Variants in MCTP1 observed in about 807,000 individuals in gnomAD.
The protein encoded by MCTP1 is multiple C2 and transmembrane domain containing 1.
Under a neutral mutation model 120.6 loss-of-function variants are expected in MCTP1, and 69 were observed. The ratio of observed to expected loss-of-function variants is 0.57; its 90% CI spans 0.47 to 0.70. The LOEUF is 0.70. Ranked by LOEUF, MCTP1 falls within the 30% of genes least tolerant of loss-of-function variation. The pLI, the probability that MCTP1 is intolerant of heterozygous loss-of-function variation, is 0.00. For synonymous variants in MCTP1, 529 were observed against 493.1 expected (o/e 1.07, Z -0.96); for missense variants, 1,203 against 1,248.8 (o/e 0.96, Z 0.55).
chr5:94,917,889 A>C lies in MCTP1; in HGVS notation c.1350+7T>G. 1 of 1,611,030 alleles carries C rather than the reference A, an allele frequency of 6.2e-7. No individual in the cohort carries two copies. The highest frequency in any genetic ancestry group is 8.5e-7 in the Non-Finnish European group (1 of 1,177,206). On this transcript the variant is annotated splice_region_variant and intron_variant, in intron 8 of 22. Coordinates refer to ENST00000515393, the MANE Select transcript of MCTP1 (RefSeq NM_024717.7). ...AAAAAATAAATGAACTGAATGGTTG[A>C]ACTTACTTGTACATTTTTGCAATAA...
intron 1 of MCTP1, among the ~76,000 whole-genome samples, chr5:95,085,766 C>T (rs560436484): frequency 6.9e-4 from 105 of 152,116 alleles, no homozygotes; most frequent in South Asian, 4.4e-3. Context: ...CAGAGATCCA[C>T]GATGCTGAAA....
chr5:95,078,192 C>T (rs963123503), intron 1 of MCTP1, among the ~76,000 whole-genome samples: 4 of 152,184 alleles, frequency 2.6e-5, no homozygotes, highest in African/African-American at 9.7e-5. Flanking sequence ...CTAAACTTCT[C>T]CATTCTACAA....
chr5:95,160,382 C>T (rs1050890832), intron 1 of MCTP1, among the ~76,000 whole-genome samples: 3 of 152,148 alleles, frequency 2.0e-5, no homozygotes, highest in Non-Finnish European at 4.4e-5. Flanking sequence ...AATTTGAGGA[C>T]TCACTATATT....
At chr5:95,164,749 A>G (rs917569088) in intron 1 of MCTP1, among the ~76,000 whole-genome samples, 5 of 152,186 alleles carry the variant, frequency 3.3e-5, no homozygotes, top group African/African-American at 1.2e-4. Flanking sequence ...TGCTAATTTG[A>G]TGACCTTTTA....
intron 1 of MCTP1, chr5:95,038,113 G>C (rs1019841459): frequency 1.0e-6 from 1 of 984,818 alleles, no homozygotes; most frequent in East Asian, 1.1e-4. Flanking sequence ...CATGGTCACA[G>C]GTGCACAGCT....
At position 95,178,492 on chromosome 5, in the gene MCTP1, G is replaced by A. The variant is rs78575856; in HGVS notation, c.720+105364C>T. 1.3e-3 allele frequency among the ~76,000 whole-genome samples: 205 copies of A among 152,268 alleles called. 4 individuals are homozygous for A. In the East Asian group the frequency reaches 0.034, roughly 25 times the overall value. On this transcript the variant is annotated intron_variant, in intron 1 of 22. Coordinates refer to ENST00000515393, the MANE Select transcript of MCTP1 (RefSeq NM_024717.7). ...AAATACAAGCAAGGACCCACACAGA[G>A]TCTATTTCACTTTGCAGACATTCCT...
chr5:94,852,393 A>G (rs1397616471), intron 17 of MCTP1, among the ~76,000 whole-genome samples: 7 of 151,924 alleles, frequency 4.6e-5, no homozygotes, highest in Non-Finnish European at 5.9e-5. Context: ...TGGGGCAAAT[A>G]AATTCATGTG....
intron 19 of MCTP1, among the ~76,000 whole-genome samples, chr5:94,776,887 C>T (rs1045593035): frequency 3.3e-5 from 5 of 152,134 alleles, no homozygotes; most frequent in South Asian, 2.1e-4. Flanking sequence ...AAGATGGAAC[C>T]TTGCAGGATC....
chr5:94,706,532 A>G lies in MCTP1; in HGVS notation c.*964T>C, dbSNP rs1038716669. The stretch of plus-strand genomic sequence containing the variant: ...CATTAAAATTCACACTAATAACAAA[A>G]TCATAGTATGAATTAAAGCATTTCA... On this transcript the variant is annotated 3_prime_UTR_variant, in exon 23 of 23. Transcript: ENST00000515393. The G allele has an allele frequency of 1.3e-5, 2 of 151,680 alleles. No homozygotes were observed. The highest frequency in any genetic ancestry group is 4.2e-4 in the South Asian group (2 of 4,812). 9.4% of individuals were successfully genotyped at this position (151,680 alleles called of 1,614,324 possible).
chr5:95,246,821 A>C (rs1459100791), intron 1 of MCTP1, among the ~76,000 whole-genome samples: 1 of 152,184 alleles, frequency 6.6e-6, no homozygotes, highest in Non-Finnish European at 1.5e-5. Flanking sequence ...TTTTGCATCA[A>C]TGTTCATCAG....
chr5:95,108,234 A>AT (rs1332468887), intron 1 of MCTP1, among the ~76,000 whole-genome samples: 14 of 152,192 alleles, frequency 9.2e-5, no homozygotes, highest in African/African-American at 3.4e-4. Flanking sequence ...AAGGAAAGGG[A>AT]TTTTGTCAAT....
intron 1 of MCTP1, among the ~76,000 whole-genome samples, chr5:95,283,122 G>C (rs1044918682): frequency 6.6e-6 from 1 of 152,122 alleles, no homozygotes; most frequent in East Asian, 1.9e-4. Flanking sequence ...ACACATTGTG[G>C]GTCCCACACA....
At chr5:94,773,340 A>AAATCATTTCCTCCC (rs1774523078) in intron 19 of MCTP1, among the ~76,000 whole-genome samples, 1 of 152,142 alleles carries the variant, frequency 6.6e-6, no homozygotes, top group African/African-American at 2.4e-5. Context: ...GGTTTTCCTC[A>AAATCATTTCCTCCC]TTTGTTTATT....
At chr5:95,158,219 T>C (rs1745337463) in intron 1 of MCTP1, among the ~76,000 whole-genome samples, 1 of 152,214 alleles carries the variant, frequency 6.6e-6, no homozygotes, top group African/African-American at 2.4e-5. Flanking sequence ...ATTCTTAAAA[T>C]GGTAAACACA....
In MCTP1 at chr5:95,176,954, T is replaced by G. The variant is rs1206362883; in HGVS notation, c.720+106902A>C. Among the ~76,000 whole-genome samples the G allele has an allele frequency of 2.0e-5, 3 of 151,560 alleles. No individual in the cohort carries two copies. The East Asian group carries it at 5.8e-4, about 29-fold the overall frequency. On this transcript the variant is annotated intron_variant, in intron 1 of 22. Coordinates refer to ENST00000515393, the MANE Select transcript of MCTP1 (RefSeq NM_024717.7). ...ATCTCCGCTCACTACAAGCTCAGCCTCCTGGGTTCACGCCATTCTCCTGCC... is the reference window on the plus strand; with the variant it reads ...ATCTCCGCTCACTACAAGCTCAGCCGCCTGGGTTCACGCCATTCTCCTGCC...
At chr5:94,900,092 T>C (rs72775382) in intron 10 of MCTP1, among the ~76,000 whole-genome samples, 10,096 of 152,234 alleles carry the variant, frequency 0.066, 353 homozygotes, top group Non-Finnish European at 0.082. Flanking sequence ...ACCATCAGCT[T>C]ATGTGTCACT....
chr5:95,076,279 G>C (rs902799469), intron 1 of MCTP1, among the ~76,000 whole-genome samples: 1 of 152,030 alleles, frequency 6.6e-6, no homozygotes, highest in Non-Finnish European at 1.5e-5. Flanking sequence ...TGTAGATAAA[G>C]GGGTAATGAC....
At chr5:94,719,749 G>A (rs1298047556) in intron 19 of MCTP1, among the ~76,000 whole-genome samples, 1 of 152,162 alleles carries the variant, frequency 6.6e-6, no homozygotes, top group Non-Finnish European at 1.5e-5. Context: ...GTGATGGGTT[G>A]ATAGGTGCAG....
chr5:94,705,066 A>G lies in MCTP1; in HGVS notation c.*2430T>C, dbSNP rs1288610945. ...ACTCACTAAAAGATACTAAAGGAAT[A>G]TATTTAGTAGTTCACAATATCTATA... is the stretch of plus-strand genomic sequence containing the variant. On this transcript the variant is annotated 3_prime_UTR_variant, in exon 23 of 23. Coordinates refer to ENST00000515393, the MANE Select transcript of MCTP1 (RefSeq NM_024717.7). The G allele has an allele frequency of 1.3e-5, 2 of 151,520 alleles. No homozygotes were observed. Among genetic ancestry groups the G allele is most frequent in the African/African-American group, 4.8e-5 (2 of 41,376 alleles). The allele number at this position is 151,520 out of a possible 1,614,324, so 9.4% of individuals were successfully genotyped here. A position where few individuals can be genotyped will look rare whatever the true frequency, so the allele number is the denominator to read the frequency against.
Sources: gnomAD v4.1 joint callset for allele counts (sites outside exome capture counted in the v4.1 genomes callset) on GRCh38, gnomAD v4.1.1 for gene constraint, MANE v1.5 for transcripts, NCBI Gene and HGNC (gene_info 2026-07-23, HGNC 2026-07-21) for gene names.